The following CPNE4 variants were observed in gnomAD, a reference collection of about 807,000 sequenced individuals.
CPNE4 encodes copine-4.
A neutral mutation model predicts 67.9 loss-of-function variants in CPNE4; 25 were observed. The ratio of observed to expected loss-of-function variants is 0.37; its 90% CI spans 0.27 to 0.51. CPNE4 has a LOEUF of 0.51. Ranked by LOEUF, CPNE4 falls within the 20% of genes least tolerant of loss-of-function variation. The pLI is 0.93. For missense variants in CPNE4, 464 were observed against 690.8 expected, an observed-to-expected ratio of 0.67 and a Z score of 3.68; for synonymous variants, 242 against 244.9, an observed-to-expected ratio of 0.99 and a Z score of 0.11.
chr3:131,716,073 A>C (rs902390293), intron 3 of CPNE4, among the ~76,000 whole-genome samples: 5 of 152,160 alleles, frequency 3.3e-5, no homozygotes, highest in East Asian at 1.9e-4. Flanking sequence ...ATTTTTGCTC[A>C]GTGTGAAGTC....
intron 15 of CPNE4, among the ~76,000 whole-genome samples, chr3:131,541,363 G>A (rs1935477031): frequency 1.3e-5 from 2 of 152,146 alleles, no homozygotes; most frequent in African/African-American, 4.8e-5. Flanking sequence ...AACCTGGGAA[G>A]GTGGGAAAAT....
At chr3:131,909,643 C>G (rs1583440207) in intron 1 of CPNE4, among the ~76,000 whole-genome samples, 1 of 152,094 alleles carries the variant, frequency 6.6e-6, no homozygotes, top group Non-Finnish European at 1.5e-5. Context: ...AGAGGTGACA[C>G]ATTTTTCTCC....
intron 3 of CPNE4, among the ~76,000 whole-genome samples, chr3:131,717,857 C>G (rs2081742212): frequency 3.4e-5 from 1 of 29,518 alleles, no homozygotes; most frequent in Non-Finnish European, 1.1e-4. Flanking sequence ...TTCCTCGCTC[C>G]CTCCTTTCTT....
chr3:132,037,835 G>T, upstream of CPNE4: 2 of 520,162 alleles, frequency 3.8e-6, no homozygotes, highest in Non-Finnish European at 6.9e-6. Context: ...AAGAAATGTG[G>T]ATTCTTACCA....
chr3:131,622,036 A>G (rs968391171), intron 7 of CPNE4, among the ~76,000 whole-genome samples: 3 of 151,126 alleles, frequency 2.0e-5, no homozygotes, highest in Middle Eastern at 3.4e-3. Flanking sequence ...AAAAAAAAAA[A>G]AAAGAAAAGA....
At chr3:131,863,535 C>A (rs193071070) in intron 2 of CPNE4, among the ~76,000 whole-genome samples, 2 of 152,180 alleles carry the variant, frequency 1.3e-5, no homozygotes, top group African/African-American at 4.8e-5. Flanking sequence ...TCATATCCTT[C>A]GCCCACTTTT....
At chr3:131,777,404 A>C (rs886288402) in intron 2 of CPNE4, among the ~76,000 whole-genome samples, 2 of 150,554 alleles carry the variant, frequency 1.3e-5, no homozygotes, top group African/African-American at 4.9e-5. Context: ...TAGTTTCAAG[A>C]ATTCAGGAAT....
At chr3:131,850,500 G>A (rs1022921259) in intron 2 of CPNE4, among the ~76,000 whole-genome samples, 19 of 152,128 alleles carry the variant, frequency 1.2e-4, no homozygotes, top group Non-Finnish European at 2.6e-4. Flanking sequence ...CCTGATGTAT[G>A]CCAGTAGAAG....
chr3:131,709,927 T>C (rs1560157737), intron 3 of CPNE4, among the ~76,000 whole-genome samples: 1 of 152,210 alleles, frequency 6.6e-6, no homozygotes, highest in Non-Finnish European at 1.5e-5. Context: ...CCCAGTCCTT[T>C]CCCGCCACCC....
At chr3:131,590,979 G>T (rs1369552319) in intron 7 of CPNE4, among the ~76,000 whole-genome samples, 1 of 152,158 alleles carries the variant, frequency 6.6e-6, no homozygotes, top group Non-Finnish European at 1.5e-5. Flanking sequence ...ACAAGTAAAT[G>T]ATTCAGTAAT....
chr3:131,752,475 A>G (rs568881152), intron 2 of CPNE4, among the ~76,000 whole-genome samples: 3 of 152,196 alleles, frequency 2.0e-5, no homozygotes, highest in African/African-American at 4.8e-5. Flanking sequence ...TCTGGGATAT[A>G]TAAGGCAGAA....
chr3:131,818,876 C>A (rs191296107), intron 2 of CPNE4, among the ~76,000 whole-genome samples: 1 of 152,182 alleles, frequency 6.6e-6, no homozygotes, highest in East Asian at 1.9e-4. Flanking sequence ...CTGAGGCAGG[C>A]AGATCACGAG....
chr3:131,943,395 T>C (rs1021042128), intron 1 of CPNE4, among the ~76,000 whole-genome samples: 2 of 152,166 alleles, frequency 1.3e-5, no homozygotes, highest in Non-Finnish European at 1.5e-5. Flanking sequence ...TGATATGTCA[T>C]TGGATTGTTG....
At chr3:132,012,326 A>G (rs7621063) in intron 1 of CPNE4, among the ~76,000 whole-genome samples, 127,032 of 151,566 alleles carry the variant, frequency 0.84, 54,301 homozygotes, top group Non-Finnish European at 0.93. Context: ...GTGTCACGAC[A>G]CCTGGCTAAT....
rs142789129 is a variant in CPNE4 at position 131,606,478 on chromosome 3, GA to G, written c.682-18897del. Among the ~76,000 whole-genome samples the G allele has an allele frequency of 8.7e-3, 1,332 of 152,248 alleles. 17 individuals carry two copies. The highest frequency in any genetic ancestry group is 0.031 in the African/African-American group (1,280 of 41,554). On this transcript the variant is annotated intron_variant, in intron 7 of 15. Transcript: ENST00000429747. ...ATTGGACTGACCACCCTCAGATAAT[GA>G]AAAGACACTCAGACATCTAGCCAGA...
rs775769927 is a variant in CPNE4, at chr3:131,564,323, G to A, written c.954C>T (p.Asn318=). ...FTVAIDFTAS[N]GDPRNSCSLH... is the part of the protein sequence containing the mutation. ...AGGAACAGCTGTTCCTGGGGTCCCC[G>A]TTTGAGGCAGTGAAATCTATAGCTA... Residue 318 remains asparagine, a synonymous_variant, in exon 11 of 16, where the codon AAC becomes AAT. Coordinates refer to ENST00000429747, the MANE Select transcript of CPNE4 (RefSeq NM_130808.3). 138 of 1,612,220 alleles carry A rather than the reference G, an allele frequency of 8.6e-5. No individual in the cohort carries two copies. Among genetic ancestry groups the A allele is most frequent in the Non-Finnish European group, 9.9e-5 (117 of 1,179,110 alleles).
At chr3:131,941,176 C>A (rs2071374074) in intron 1 of CPNE4, among the ~76,000 whole-genome samples, 1 of 152,006 alleles carries the variant, frequency 6.6e-6, no homozygotes, top group South Asian at 2.1e-4. Flanking sequence ...ATTTTGCAAG[C>A]TGGTTGTTAA....
intron 12 of CPNE4, 62 bp from the exon 13 acceptor site, chr3:131,552,553 A>G (rs1056777400): frequency 2.1e-5 from 29 of 1,363,462 alleles, no homozygotes; most frequent in Non-Finnish European, 2.8e-5. Flanking sequence ...TAATCCAGTA[A>G]GAAGGCACTG....
At position 131,752,914 on chromosome 3, in the gene CPNE4, A is replaced by G. The variant is rs186663020; in HGVS notation, c.181-29289T>C. Reference sequence around the variant, plus strand: ...ACAAAATGATCACCAAATTTATATCAAAGAAGAAATACTTGAGTCTACCCA... The same window carrying G: ...ACAAAATGATCACCAAATTTATATCGAAGAAGAAATACTTGAGTCTACCCA... On this transcript the variant is annotated intron_variant, in intron 2 of 15. Transcript: ENST00000429747. Among the ~76,000 whole-genome samples, 382 of 152,260 alleles carry G rather than the reference A, an allele frequency of 2.5e-3. 2 individuals are homozygous for G. The highest frequency in any genetic ancestry group is 8.0e-3 in the African/African-American group (333 of 41,568).
Sources: gnomAD v4.1 joint callset for allele counts (sites outside exome capture counted in the v4.1 genomes callset) on GRCh38, gnomAD v4.1.1 for gene constraint, MANE v1.5 for transcripts, NCBI Gene and HGNC (gene_info 2026-07-23, HGNC 2026-07-21) for gene names.